Variants in CLSTN2 observed in about 807,000 individuals in gnomAD.
CLSTN2 encodes the protein calsyntenin-2.
In CLSTN2, 48 loss-of-function variants were observed where a neutral mutation model predicts 101.2. The ratio of observed to expected loss-of-function variants is 0.47; its 90% CI spans 0.38 to 0.60. The LOEUF is 0.60. CLSTN2 is among the 20% of genes least tolerant of loss of function. The probability of loss-of-function intolerance (pLI) is 0.00; values close to 1 mark genes in which losing one functional copy is unlikely to be tolerated. For synonymous variants in CLSTN2, 481 were observed against 463.6 expected (o/e 1.04, Z -0.48); for missense variants, 1,160 against 1,238.2 (o/e 0.94, Z 0.95).
chr3:140,070,187 A>T (rs2008367428), intron 1 of CLSTN2, among the ~76,000 whole-genome samples: 1 of 152,226 alleles, frequency 6.6e-6, no homozygotes. Context: ...CCTTGCCTTT[A>T]CCTATCTTAA....
chr3:139,939,346 G>T (rs887272887), intron 1 of CLSTN2, among the ~76,000 whole-genome samples: 1 of 152,218 alleles, frequency 6.6e-6, no homozygotes, highest in Non-Finnish European at 1.5e-5. Context: ...CTATGAGAGG[G>T]TAAATGAACT....
In CLSTN2 at chr3:140,259,587, C is replaced by T. The variant is rs542197430; in HGVS notation, c.232+83514C>T. The stretch of plus-strand genomic sequence containing the variant: ...TATCACCACAATCAAGATGACACAC[C>T]TATATCCTGAAAAGTTTTCCCTTGC... On this transcript the variant is annotated intron_variant, in intron 2 of 16. Transcript: ENST00000458420. 7.6e-4 allele frequency among the ~76,000 whole-genome samples: 116 copies of T among 152,272 alleles called. 1 individual carries two copies. The Middle Eastern group carries it at 0.014, about 18-fold the overall frequency.
intron 1 of CLSTN2, among the ~76,000 whole-genome samples, chr3:140,034,726 A>G (rs2007623084): frequency 6.6e-6 from 1 of 152,226 alleles, no homozygotes; most frequent in Non-Finnish European, 1.5e-5. Context: ...GTTGATAGCA[A>G]TCAACTCTTT....
intron 1 of CLSTN2, among the ~76,000 whole-genome samples, chr3:139,949,280 T>A (rs139990582): frequency 6.6e-6 from 1 of 152,188 alleles, no homozygotes; most frequent in South Asian, 2.1e-4. Flanking sequence ...AGTAGGTGGA[T>A]GAATGATGGA....
At chr3:140,446,647 A>G (rs1289699570) in intron 5 of CLSTN2, among the ~76,000 whole-genome samples, 1 of 152,136 alleles carries the variant, frequency 6.6e-6, no homozygotes, top group Admixed American at 6.5e-5. Flanking sequence ...CCTTGATGGG[A>G]TGCCTGAGGC....
intron 2 of CLSTN2, among the ~76,000 whole-genome samples, chr3:140,389,627 A>G (rs2088091053): frequency 6.6e-6 from 1 of 152,212 alleles, no homozygotes; most frequent in South Asian, 2.1e-4. Flanking sequence ...AGAATGATTT[A>G]TATTCCTTTG....
chr3:140,258,919 TC>T (rs2086625952), intron 2 of CLSTN2, among the ~76,000 whole-genome samples: 1 of 152,130 alleles, frequency 6.6e-6, no homozygotes. Context: ...GTGTGGAAAA[TC>T]ATGTATATAT....
At chr3:140,452,205 A>G (rs2108011379) in intron 6 of CLSTN2, among the ~76,000 whole-genome samples, 1 of 151,776 alleles carries the variant, frequency 6.6e-6, no homozygotes, top group Non-Finnish European at 1.5e-5. Flanking sequence ...CTGATTCTTG[A>G]CCCTCCCAAA....
intron 2 of CLSTN2, among the ~76,000 whole-genome samples, chr3:140,295,876 C>G (rs970071421): frequency 3.3e-5 from 5 of 152,122 alleles, no homozygotes; most frequent in African/African-American, 1.2e-4. Context: ...CTCTTTAGAG[C>G]CTTTTATATG....
intron 2 of CLSTN2, among the ~76,000 whole-genome samples, chr3:140,228,568 C>T (rs542807825): frequency 3.1e-4 from 47 of 152,334 alleles, no homozygotes; most frequent in African/African-American, 1.1e-3. Flanking sequence ...TTTTCAGCAG[C>T]ACCCCACTCT....
At chr3:140,372,303 G>A (rs1367507334) in intron 2 of CLSTN2, among the ~76,000 whole-genome samples, 1 of 152,086 alleles carries the variant, frequency 6.6e-6, no homozygotes, top group Non-Finnish European at 1.5e-5. Context: ...CTTTAATTGT[G>A]CTGAGCTGTC....
chr3:140,553,956 A>G (rs1365752680), intron 10 of CLSTN2, among the ~76,000 whole-genome samples: 6 of 152,092 alleles, frequency 3.9e-5, no homozygotes, highest in Non-Finnish European at 7.3e-5. Flanking sequence ...AGGAGATGAT[A>G]GTGAGTAAAA....
At chr3:140,488,284 A>C (rs1354117525) in intron 8 of CLSTN2, among the ~76,000 whole-genome samples, 1 of 152,212 alleles carries the variant, frequency 6.6e-6, no homozygotes, top group Admixed American at 6.5e-5. Flanking sequence ...TTCATTATGG[A>C]GCAGTCAAAG....
At chr3:140,532,525 G>C in intron 9 of CLSTN2, 39 bp downstream of exon 9, 1 of 1,569,342 alleles carries the variant, frequency 6.4e-7, no homozygotes, top group South Asian at 1.2e-5. Flanking sequence ...ACCTGTTTGT[G>C]AATAGTTCTT....
At chr3:140,225,413 C>T (rs941571951) in intron 2 of CLSTN2, among the ~76,000 whole-genome samples, 1 of 152,206 alleles carries the variant, frequency 6.6e-6, no homozygotes, top group South Asian at 2.1e-4. Flanking sequence ...TGTCTTATTA[C>T]AGAGACAATT....
chr3:140,433,083 CA>C, intron 5 of CLSTN2, among the ~76,000 whole-genome samples: 1 of 152,298 alleles, frequency 6.6e-6, no homozygotes, highest in East Asian at 1.9e-4. Context: ...CAATGCATCT[CA>C]AAGGAAAGAA....
chr3:140,526,490 C>A, intron 8 of CLSTN2, among the ~76,000 whole-genome samples: 1 of 150,570 alleles, frequency 6.6e-6, no homozygotes, highest in African/African-American at 2.4e-5. Context: ...CCATACTGCC[C>A]AAAGCAATTT....
At chr3:140,058,516 C>T (rs2008139284) in intron 1 of CLSTN2, among the ~76,000 whole-genome samples, 1 of 152,142 alleles carries the variant, frequency 6.6e-6, no homozygotes, top group South Asian at 2.1e-4. Context: ...AAAGCTTGAG[C>T]TGGTTAAGTC....
At chr3:140,463,375 A>G (rs1471090119) in intron 7 of CLSTN2, among the ~76,000 whole-genome samples, 1 of 151,828 alleles carries the variant, frequency 6.6e-6, no homozygotes, top group Non-Finnish European at 1.5e-5. Context: ...CAGGTGAGAG[A>G]GATGGAGATG....
Sources: gnomAD v4.1 joint callset for allele counts (sites outside exome capture counted in the v4.1 genomes callset) on GRCh38, gnomAD v4.1.1 for gene constraint, MANE v1.5 for transcripts, NCBI Gene and HGNC (gene_info 2026-07-23, HGNC 2026-07-21) for gene names.